Variants in JAG1 observed in about 807,000 individuals in gnomAD.
The protein encoded by JAG1 is protein jagged-1.
In JAG1, 23 loss-of-function variants were observed where a neutral mutation model predicts 148.7. The ratio of observed to expected loss-of-function variants is 0.15; its 90% CI spans 0.11 to 0.22. The LOEUF is 0.22. Ranked by LOEUF, JAG1 falls within the 10% of genes least tolerant of loss-of-function variation. The pLI is 1.00. For synonymous variants in JAG1, 572 were observed against 598.3 expected, an observed-to-expected ratio of 0.96 and a Z score of 0.64; for missense variants, 1,054 against 1,611.2, an observed-to-expected ratio of 0.65 and a Z score of 5.92.
At chr20:10,644,213 GA>G in intron 19 of JAG1, 143 bp downstream of exon 19, 1 of 759,644 alleles carries the variant, frequency 1.3e-6, no homozygotes. Flanking sequence ...AAAGCAGTCT[GA>G]GGCCCCACCC....
chr20:10,667,237 C>T (rs1426458382), intron 2 of JAG1, among the ~76,000 whole-genome samples: 1 of 152,242 alleles, frequency 6.6e-6, no homozygotes, highest in African/African-American at 2.4e-5. Context: ...GGCCCGCCGG[C>T]GGCACGCACA....
chr20:10,641,277 A>G (rs774100813), intron 23 of JAG1, 33 bp from the exon 24 acceptor site: 3 of 1,608,430 alleles, frequency 1.9e-6, no homozygotes, highest in Non-Finnish European at 2.5e-6. Context: ...ACACACGTGT[A>G]AGATTGAGAG....
At position 10,644,280 on chromosome 20, in the gene JAG1, A is replaced by T. The variant is rs755034660; in HGVS notation, c.2372+77T>A. The T allele has an allele frequency of 0.1, 66,491 of 667,950 alleles. 3,765 individuals carry two copies. The highest frequency in any genetic ancestry group is 0.13 in the Non-Finnish European group (53,204 of 418,804). The allele number at this position is 667,950 out of a possible 1,614,324, so 41.4% of individuals were successfully genotyped here. The stretch of plus-strand genomic sequence containing the variant: ...AACACAATCCCTGGGTGATTCTCAC[A>T]CACACACACACACACACACACACAC... On this transcript the variant is annotated intron_variant, in intron 19 of 25. Transcript: ENST00000254958.
chr20:10,639,240 G>C lies in JAG1; in HGVS notation c.*258C>G. 1 of 518,160 alleles carries C rather than the reference G, an allele frequency of 1.9e-6. No individual in the cohort carries two copies. Among genetic ancestry groups the C allele is most frequent in the Non-Finnish European group, 3.5e-6 (1 of 283,258 alleles). The allele number at this position is 518,160 out of a possible 1,614,324, so 32.1% of individuals were successfully genotyped here. On this transcript the variant is annotated 3_prime_UTR_variant, in exon 26 of 26. Transcript: ENST00000254958. ...GGGCTGGGCAGGCTCCTGGGAGCCT[G>C]ATCCGAGACCGTGTCGGCTGCAAGG...
At chr20:10,648,162 G>T (rs966193413) in intron 12 of JAG1, 52 bp from the exon 13 acceptor site, 2 of 1,609,560 alleles carry the variant, frequency 1.2e-6, no homozygotes, top group Admixed American at 3.3e-5. Flanking sequence ...TAAAACAAAG[G>T]TGTCACGATA....
chr20:10,662,948 A>G (rs915090002), intron 3 of JAG1, among the ~76,000 whole-genome samples: 1 of 152,174 alleles, frequency 6.6e-6, no homozygotes, highest in Non-Finnish European at 1.5e-5. Flanking sequence ...GTAGCCCAAT[A>G]AGCCAGCCAC....
rs777011001 is a variant in JAG1, at chr20:10,645,483, G to C, written c.2000-14C>G. Reference sequence around the variant, plus strand: ...AGTCATTAATATCTAGAATCAAAGGGGAGACAATCGGCTGAAGACGAGATC... The same window carrying C: ...AGTCATTAATATCTAGAATCAAAGGCGAGACAATCGGCTGAAGACGAGATC... On this transcript the variant is annotated splice_polypyrimidine_tract_variant and intron_variant, in intron 15 of 25. Transcript: ENST00000254958. This position sits in a 1 kb window ranked among gnomAD's most constrained non-coding sequence, Gnocchi z 6.1. The C allele has an allele frequency of 1.9e-6, 3 of 1,599,652 alleles. No homozygotes were observed. Among genetic ancestry groups the C allele is most frequent in the African/African-American group, 1.3e-5 (1 of 74,636 alleles).
chr20:10,645,751 C>T lies in JAG1; in HGVS notation c.1999+220G>A, dbSNP rs2067304559. The T allele has an allele frequency of 3.2e-6, 2 of 617,426 alleles. No individual in the cohort carries two copies. Among genetic ancestry groups the T allele is most frequent in the Non-Finnish European group, 2.9e-6 (1 of 349,324 alleles). 38.2% of individuals were successfully genotyped at this position (617,426 alleles called of 1,614,324 possible). On this transcript the variant is annotated intron_variant, in intron 15 of 25. Coordinates refer to ENST00000254958, the MANE Select transcript of JAG1 (RefSeq NM_000214.3). This position sits in a 1 kb window ranked among gnomAD's most constrained non-coding sequence, Gnocchi z 6.1. ...CTTGCAAGCAGGAATATTTATTACA[C>T]AGTCTAATTCTATAGGTCCTCAGCA...
chr20:10,648,325 G>A (rs754513299), intron 12 of JAG1, among the ~76,000 whole-genome samples: 2 of 152,088 alleles, frequency 1.3e-5, no homozygotes, highest in Non-Finnish European at 2.9e-5. Context: ...AAGAGGGGGT[G>A]GAGGGAACCA....
intron 14 of JAG1, 129 bp downstream of exon 14, chr20:10,646,810 A>G: frequency 1.1e-6 from 1 of 933,370 alleles, no homozygotes. Flanking sequence ...GGGCAACAAC[A>G]GCGAAATTCG....
chr20:10,648,954 C>A, intron 11 of JAG1, 107 bp downstream of exon 11: 1 of 1,047,766 alleles, frequency 9.5e-7, no homozygotes, highest in East Asian at 2.4e-5. Context: ...ACTCTTTTTT[C>A]ACCCAAATTT....
intron 2 of JAG1, among the ~76,000 whole-genome samples, chr20:10,664,222 C>T (rs2067436477): frequency 6.6e-6 from 1 of 152,190 alleles, no homozygotes. Context: ...TGACAAATGA[C>T]TCCTTTCACC....
intron 14 of JAG1, 34 bp from the exon 15 acceptor site, chr20:10,646,118 A>C: frequency 6.7e-7 from 1 of 1,491,786 alleles, no homozygotes; most frequent in Non-Finnish European, 9.4e-7. Flanking sequence ...AAAGAACTGA[A>C]GGACTTGTGA....
intron 2 of JAG1, among the ~76,000 whole-genome samples, chr20:10,669,212 C>T (rs141235088): frequency 1.3e-5 from 2 of 152,208 alleles, no homozygotes; most frequent in Admixed American, 6.5e-5. Flanking sequence ...GGGCAAAAGG[C>T]GTTTTCTCCA....
At chr20:10,647,276 A>C in intron 13 of JAG1, 173 bp from the exon 14 acceptor site, 1 of 708,186 alleles carries the variant, frequency 1.4e-6, no homozygotes, top group Non-Finnish European at 2.5e-6. Context: ...TATGACAGGC[A>C]AAGTTGAGAC....
intron 3 of JAG1, 140 bp from the exon 4 acceptor site, chr20:10,658,862 A>T: frequency 1.1e-6 from 1 of 885,914 alleles, no homozygotes; most frequent in South Asian, 1.6e-5. Flanking sequence ...TGAAAAGTTT[A>T]TGCCCCTACC....
chr20:10,648,703 C>T lies in JAG1; in HGVS notation c.1415G>A (p.Arg472His), dbSNP rs574349599. 66 of 1,614,116 alleles carry T rather than the reference C, an allele frequency of 4.1e-5. No individual in the cohort carries two copies. Among genetic ancestry groups the T allele is most frequent in the Admixed American group, 3.2e-4 (19 of 60,018 alleles). The change falls in exon 12 of 26, where the codon CGC (arginine) becomes CAC (histidine). Residue 472 changes from arginine (R) to histidine (H), a missense_variant. By Grantham distance (29) the Arg-to-His change is conservative. Transcript: ENST00000254958. ...TGCATAGCCAGGTGGACAGATACAGCGATAACCATTAACCAAATCCTAGAA... is the reference window on the plus strand; with the variant it reads ...TGCATAGCCAGGTGGACAGATACAGTGATAACCATTAACCAAATCCTAGAA... ...ASCRDLVNGY[R>H]CICPPGYAGD... is the part of the protein sequence containing the mutation.
chr20:10,646,952 T>C lies in JAG1; in HGVS notation c.1872A>G (p.Thr624=). The change falls in exon 14 of 26, where the codon ACA becomes ACG. Residue 624 remains threonine (T), a synonymous_variant. Transcript: ENST00000254958. ...AGGGAGTCTTACTTTCATGGCAGTA[T>C]GTTCCCGTGAAGCCTTTGTTACAGT... ...TCDCNKGFTG[T]YCHENINDCE... is the part of the protein sequence containing the mutation. The C allele has an allele frequency of 6.2e-7, 1 of 1,614,214 alleles. No homozygotes were observed. Among genetic ancestry groups the C allele is most frequent in the Middle Eastern group, 1.7e-4 (1 of 6,056 alleles).
chr20:10,660,673 G>A (rs1226557086), intron 3 of JAG1, among the ~76,000 whole-genome samples: 1 of 152,200 alleles, frequency 6.6e-6, no homozygotes, highest in Non-Finnish European at 1.5e-5. Context: ...CTATGGAGCT[G>A]CATACATAAT....
Sources: allele counts gnomAD v4.1 joint callset (sites outside exome capture counted in the v4.1 genomes callset), GRCh38; gene constraint gnomAD v4.1.1; non-coding constraint Gnocchi (gnomAD v3.1); transcripts MANE v1.5; gene names NCBI Gene and HGNC (gene_info 2026-07-23, HGNC 2026-07-21).